The following POLR1E variants were observed in gnomAD, a reference collection of about 807,000 sequenced individuals.
POLR1E encodes the protein RNA polymerase I subunit E, also known as DNA-directed RNA polymerase I subunit RPA49.
A neutral mutation model predicts 50.9 loss-of-function variants in POLR1E; 37 were observed. That is an observed-to-expected ratio of 0.73 (90% CI 0.56 to 0.96). The LOEUF (loss-of-function observed/expected upper bound fraction) is 0.96. POLR1E is among the 40% of genes least tolerant of loss of function. The pLI, the probability that POLR1E is intolerant of heterozygous loss-of-function variation, is 0.00. For synonymous variants in POLR1E, 166 were observed against 191.6 expected (o/e 0.87, Z 1.10); for missense variants, 426 against 518.1 (o/e 0.82, Z 1.73).
Position 37,486,062 on chromosome 9 carries a change from G to C in POLR1E, c.15G>C (p.Val5=). The part of the protein sequence containing the change: MAAE[V]LPSARWQYCG... ...AGACAGGCGAGATGGCGGCGGAGGT[G>C]TTGCCGAGTGCGAGGTGGCAGTATT... Residue 5 remains valine (V), a synonymous_variant, in exon 1 of 12, where the codon GTG becomes GTC. Transcript: ENST00000377798. The C allele has an allele frequency of 6.2e-7, 1 of 1,601,802 alleles. No homozygotes were observed.
intron 4 of POLR1E, chr9:37,492,443 C>T (rs10814562): frequency 0.21 from 177,799 of 864,028 alleles, 19,641 homozygotes; most frequent in Admixed American, 0.31. Flanking sequence ...GCTGGATGAC[C>T]GCTTGATTTG....
chr9:37,498,946 T>C (rs1421635648), intron 9 of POLR1E, among the ~76,000 whole-genome samples: 2 of 152,196 alleles, frequency 1.3e-5, no homozygotes, highest in Non-Finnish European at 2.9e-5. Flanking sequence ...TCATAGAGTA[T>C]ATTTACATAA....
At chr9:37,486,299 C>G (rs1369234550) in intron 1 of POLR1E, 176 bp downstream of exon 1, 1 of 1,290,324 alleles carries the variant, frequency 7.7e-7, no homozygotes, top group Non-Finnish European at 1.0e-6. Flanking sequence ...CTGTCACTAC[C>G]TCCCAGCCAG....
In POLR1E at chr9:37,503,085, A is replaced by C. The variant is rs1820918286; in HGVS notation, c.1143A>C (p.Lys381Asn). The change falls in exon 12 of 12, where the codon AAA becomes AAC. Residue 381 changes from lysine to asparagine, a missense_variant. Transcript: ENST00000377798. ...AAGCCATGAGGCTGAAGATCTCCAA[A>C]AGAAGGGTGTCTGTGGCCGCCGGCA... ...IAKAMRLKIS[K>N]RRVSVAAGSE... 1.2e-6 allele frequency: 2 copies of C among 1,613,972 alleles called. No homozygotes were observed. The highest frequency in any genetic ancestry group is 1.7e-4 in the Middle Eastern group (1 of 6,000).
intron 2 of POLR1E, among the ~76,000 whole-genome samples, chr9:37,487,610 C>T (rs1820602919): frequency 6.6e-6 from 1 of 152,146 alleles, no homozygotes; most frequent in Non-Finnish European, 1.5e-5. Context: ...GCAGAATTCC[C>T]CCAAGAGCTT....
At chr9:37,500,135 C>T (rs1228440431) in intron 9 of POLR1E, among the ~76,000 whole-genome samples, 2 of 150,556 alleles carry the variant, frequency 1.3e-5, no homozygotes, top group African/African-American at 2.5e-5. Flanking sequence ...AAGTGTGAGC[C>T]ACTATGCCCA....
At chr9:37,500,153 G>A in intron 9 of POLR1E, among the ~76,000 whole-genome samples, 1 of 120,208 alleles carries the variant, frequency 8.3e-6, no homozygotes, top group East Asian at 2.5e-4. Flanking sequence ...CCAGCCAGTT[G>A]TTTTTTGTTT....
rs543724303 is a variant in POLR1E, at chr9:37,498,300, T to G, written c.886+76T>G. ...TCTGTAATTCTTAGATGAGTTCTGA[T>G]GAGAGAAGAAAATGGATATGTCTGT... On this transcript the variant is annotated intron_variant, in intron 9 of 11. Coordinates refer to ENST00000377798, the MANE Select transcript of POLR1E (RefSeq NM_022490.4). The G allele has an allele frequency of 7.6e-6, 11 of 1,439,656 alleles. No homozygotes were observed. In the East Asian group the frequency reaches 2.3e-4, roughly 31 times the overall value. The allele number at this position is 1,439,656 out of a possible 1,614,324, so 89.2% of individuals were successfully genotyped here.
Position 37,498,315 on chromosome 9 carries a change from G to A in POLR1E, c.886+91G>A, listed in dbSNP as rs888100666. Reference sequence around the variant, plus strand: ...TGAGTTCTGATGAGAGAAGAAAATGGATATGTCTGTCCAAGTCTTTACTGT... The same window carrying A: ...TGAGTTCTGATGAGAGAAGAAAATGAATATGTCTGTCCAAGTCTTTACTGT... On this transcript the variant is annotated intron_variant, in intron 9 of 11. Coordinates refer to ENST00000377798, the MANE Select transcript of POLR1E (RefSeq NM_022490.4). The A allele has an allele frequency of 2.5e-5, 34 of 1,356,780 alleles. No homozygotes were observed. The East Asian group carries it at 7.1e-4, about 28-fold the overall frequency. 84.0% of individuals were successfully genotyped at this position (1,356,780 alleles called of 1,614,324 possible). A position where few individuals can be genotyped will look rare whatever the true frequency, so the allele number is the denominator to read the frequency against.
chr9:37,487,730 C>A, intron 2 of POLR1E, 133 bp from the exon 3 acceptor site: 1 of 832,536 alleles, frequency 1.2e-6, no homozygotes, highest in Non-Finnish European at 2.0e-6. Flanking sequence ...GCTGGATCAT[C>A]TGCCAGAGAT....
At chr9:37,502,481 C>T (rs1023053910) in intron 11 of POLR1E, among the ~76,000 whole-genome samples, 3 of 152,078 alleles carry the variant, frequency 2.0e-5, no homozygotes, top group Non-Finnish European at 4.4e-5. Context: ...AGAGGAGATT[C>T]AGACAGTAGG....
chr9:37,492,971 A>G (rs1820712288), intron 5 of POLR1E, among the ~76,000 whole-genome samples: 1 of 152,218 alleles, frequency 6.6e-6, no homozygotes, highest in Non-Finnish European at 1.5e-5. Context: ...GGGCTGATAC[A>G]AGTGTAGCAT....
At chr9:37,496,606 AATT>A (rs71911145) in intron 8 of POLR1E, among the ~76,000 whole-genome samples, 1 of 145,596 alleles carries the variant, frequency 6.9e-6, no homozygotes, top group Non-Finnish European at 1.5e-5. Flanking sequence ...AGTGCCTTGG[AATT>A]ATTATTATTA....
At chr9:37,491,857 T>C (rs891791041) in intron 4 of POLR1E, among the ~76,000 whole-genome samples, 7 of 152,222 alleles carry the variant, frequency 4.6e-5, no homozygotes, top group Non-Finnish European at 1.0e-4. Context: ...TATATAACTA[T>C]ATTTAAATCA....
At chr9:37,495,063 C>A in intron 6 of POLR1E, 106 bp from the exon 7 acceptor site, 1 of 933,856 alleles carries the variant, frequency 1.1e-6, no homozygotes, top group Non-Finnish European at 1.7e-6. Flanking sequence ...AGCATTTAGA[C>A]TTGGGGTTTC....
intron 6 of POLR1E, among the ~76,000 whole-genome samples, chr9:37,494,712 TA>T (rs2119008614): frequency 6.6e-6 from 1 of 152,328 alleles, no homozygotes; most frequent in Non-Finnish European, 1.5e-5. Flanking sequence ...ATGTTGAGGT[TA>T]CAGGTGTGAG....
Position 37,498,079 on chromosome 9 carries a change from T to C in POLR1E, c.753-12T>C, listed in dbSNP as rs1820815652. The C allele has an allele frequency of 6.2e-7, 1 of 1,610,418 alleles. No individual in the cohort carries two copies. The stretch of plus-strand genomic sequence containing the variant: ...CCCTGACACAGGCCTCCTTTTCTTT[T>C]CCTTGTTTTAGCCATTGCACCTTTG... On this transcript the variant is annotated splice_polypyrimidine_tract_variant and intron_variant, in intron 8 of 11. Coordinates refer to ENST00000377798, the MANE Select transcript of POLR1E (RefSeq NM_022490.4).
In POLR1E at chr9:37,501,935, C is replaced by T. The variant is rs7867123; in HGVS notation, c.1100+91C>T. 10,862 of 1,367,626 alleles carry T rather than the reference C, an allele frequency of 7.9e-3. 651 individuals are homozygous for T. The African/African-American group carries it at 0.14, about 17-fold the overall frequency. 84.7% of individuals were successfully genotyped at this position (1,367,626 alleles called of 1,614,324 possible). ...AAAGCATGAGGCACCACCAAGGGAA[C>T]TGAGGATGTTTAAATGTGGGAACAA... is the stretch of plus-strand genomic sequence containing the variant. On this transcript the variant is annotated intron_variant, in intron 11 of 11. Coordinates refer to ENST00000377798, the MANE Select transcript of POLR1E (RefSeq NM_022490.4).
intron 8 of POLR1E, 36 bp from the exon 9 acceptor site, chr9:37,498,055 C>T (rs12004135): frequency 3.7e-6 from 6 of 1,605,658 alleles, no homozygotes; most frequent in South Asian, 2.2e-5. Context: ...CCCATCTTAC[C>T]CTGACACAGG....
Sources: gnomAD v4.1 joint callset for allele counts (sites outside exome capture counted in the v4.1 genomes callset) on GRCh38, gnomAD v4.1.1 for gene constraint, MANE v1.5 for transcripts, NCBI Gene and HGNC (gene_info 2026-07-23, HGNC 2026-07-21) for gene names.